Variants in RALGPS2 observed in about 807,000 individuals in gnomAD.
RALGPS2 encodes the protein ras-specific guanine nucleotide-releasing factor RalGPS2.
A neutral mutation model predicts 86.8 loss-of-function variants in RALGPS2; 43 were observed. That is an observed-to-expected ratio of 0.50 (90% confidence interval 0.39 to 0.64). RALGPS2 has a LOEUF of 0.64. Among genes scored for constraint, RALGPS2 ranks in the 30% least tolerant of loss-of-function variants. The pLI is 0.00. For synonymous variants in RALGPS2, 243 were observed against 231.3 expected (o/e 1.05, Z -0.46); for missense variants, 536 against 694.6 (o/e 0.77, Z 2.57).
chr1:178,806,898 G>A lies in RALGPS2; in HGVS notation c.214-1147G>A, dbSNP rs1488207328. Among the ~76,000 whole-genome samples, 9 of 152,152 alleles carry A rather than the reference G, an allele frequency of 5.9e-5. No individual in the cohort carries two copies. The East Asian group carries it at 1.7e-3, about 29-fold the overall frequency. On this transcript the variant is annotated intron_variant, in intron 4 of 19. Coordinates refer to ENST00000367635, the MANE Select transcript of RALGPS2 (RefSeq NM_152663.5). ...GGACCTTGGACTCGTCCGGCAGGCTGAAGCCTATGGAATGCTAACCCTTCT... is the reference window on the plus strand; with the variant it reads ...GGACCTTGGACTCGTCCGGCAGGCTAAAGCCTATGGAATGCTAACCCTTCT...
At chr1:178,875,169 C>G (rs1453941918) in intron 8 of RALGPS2, among the ~76,000 whole-genome samples, 1 of 152,178 alleles carries the variant, frequency 6.6e-6, no homozygotes, top group Non-Finnish European at 1.5e-5. Context: ...CAGTTTTCAA[C>G]AGCTGTGCAG....
At chr1:178,896,293 C>T (rs1659934651) in intron 16 of RALGPS2, among the ~76,000 whole-genome samples, 1 of 151,764 alleles carries the variant, frequency 6.6e-6, no homozygotes, top group Non-Finnish European at 1.5e-5. Context: ...AGAAGTTATG[C>T]TGTGAAAAGG....
intron 5 of RALGPS2, among the ~76,000 whole-genome samples, chr1:178,810,694 A>C (rs904312618): frequency 3.3e-5 from 5 of 152,070 alleles, no homozygotes; most frequent in African/African-American, 9.7e-5. Context: ...ACATAATGAC[A>C]TTTCTTTACA....
intron 1 of RALGPS2, among the ~76,000 whole-genome samples, chr1:178,765,728 A>G (rs1490885416): frequency 6.6e-6 from 1 of 152,174 alleles, no homozygotes; most frequent in Non-Finnish European, 1.5e-5. Flanking sequence ...AAAGACAGAC[A>G]TTCCCAAAGC....
chr1:178,884,739 T>G (rs1659402455), intron 11 of RALGPS2, among the ~76,000 whole-genome samples: 1 of 152,142 alleles, frequency 6.6e-6, no homozygotes, highest in African/African-American at 2.4e-5. Flanking sequence ...TGTATAAAAT[T>G]AAAAGAGCAC....
intron 2 of RALGPS2, among the ~76,000 whole-genome samples, chr1:178,781,243 T>G (rs1446391396): frequency 6.6e-6 from 1 of 152,088 alleles, no homozygotes; most frequent in African/African-American, 2.4e-5. Context: ...AATTGTCCAT[T>G]TATTGTGGCA....
intron 19 of RALGPS2, among the ~76,000 whole-genome samples, chr1:178,909,901 C>T (rs10798638): frequency 0.089 from 13,510 of 151,926 alleles, 650 homozygotes; most frequent in African/African-American, 0.13. Context: ...CACCCACCTC[C>T]GCCTCCCAAA....
chr1:178,830,267 G>A (rs1018371351), intron 7 of RALGPS2, among the ~76,000 whole-genome samples: 1 of 152,110 alleles, frequency 6.6e-6, no homozygotes, highest in Non-Finnish European at 1.5e-5. Context: ...AAATTTAAAG[G>A]TTCAGGAATA....
rs540352240 is a variant in RALGPS2 at position 178,777,652 on chromosome 1, G to A, written c.57+831G>A. Among the ~76,000 whole-genome samples the A allele has an allele frequency of 5.7e-3, 859 of 150,882 alleles. 8 individuals are homozygous for A. The highest frequency in any genetic ancestry group is 0.019 in the African/African-American group (799 of 41,270). On this transcript the variant is annotated intron_variant, in intron 2 of 19. Coordinates refer to ENST00000367635, the MANE Select transcript of RALGPS2 (RefSeq NM_152663.5). Reference sequence around the variant, plus strand: ...ACCTGACTTCAAACTATACTACAAGGCTACAGTAACCAAAACAGCATGGTA... The same window carrying A: ...ACCTGACTTCAAACTATACTACAAGACTACAGTAACCAAAACAGCATGGTA...
chr1:178,754,099 G>C (rs113294879), intron 1 of RALGPS2, among the ~76,000 whole-genome samples: 1 of 152,024 alleles, frequency 6.6e-6, no homozygotes, highest in Admixed American at 6.6e-5. Context: ...TGGGATTACA[G>C]GTGTGAGCCA....
rs552213783 is a variant in RALGPS2 at position 178,821,707 on chromosome 1, G to A, written c.480+3G>A. ...TCAGGTTGACTAAAACATGGGCGGTGAGTAATATTCTTTAGTTAATGAAAG... is the reference window on the plus strand; with the variant it reads ...TCAGGTTGACTAAAACATGGGCGGTAAGTAATATTCTTTAGTTAATGAAAG... On this transcript the variant is annotated splice_donor_region_variant and intron_variant, in intron 7 of 19. Coordinates refer to ENST00000367635, the MANE Select transcript of RALGPS2 (RefSeq NM_152663.5). The A allele has an allele frequency of 2.5e-6, 4 of 1,600,708 alleles. No homozygotes were observed. The highest frequency in any genetic ancestry group is 1.7e-5 in the Admixed American group (1 of 59,884).
chr1:178,725,579 G>A (rs1649928660), intron 1 of RALGPS2, 160 bp downstream of exon 1: 2 of 152,006 alleles, frequency 1.3e-5, no homozygotes, highest in African/African-American at 2.4e-5. Flanking sequence ...CGCAGGGAGG[G>A]GGCTGCGGAG....
chr1:178,846,371 G>C (rs1656865423), intron 8 of RALGPS2, among the ~76,000 whole-genome samples: 1 of 151,912 alleles, frequency 6.6e-6, no homozygotes, highest in South Asian at 2.1e-4. Context: ...ATTATATGTT[G>C]TTATATATTG....
At chr1:178,878,683 T>TA (rs971591381) in intron 9 of RALGPS2, among the ~76,000 whole-genome samples, 2 of 152,074 alleles carry the variant, frequency 1.3e-5, no homozygotes, top group Non-Finnish European at 2.9e-5. Context: ...TTGGAGCTAT[T>TA]AAAAAAATAC....
At chr1:178,883,848 G>T (rs1218436656) in intron 11 of RALGPS2, among the ~76,000 whole-genome samples, 1 of 152,134 alleles carries the variant, frequency 6.6e-6, no homozygotes, top group East Asian at 1.9e-4. Context: ...AATTAGCCGG[G>T]TGTGGTGGCG....
At chr1:178,803,824 A>G (rs1020845970) in intron 4 of RALGPS2, among the ~76,000 whole-genome samples, 1 of 152,166 alleles carries the variant, frequency 6.6e-6, no homozygotes, top group Non-Finnish European at 1.5e-5. Context: ...CTCTCCCCTC[A>G]GTATTCCCTA....
chr1:178,856,353 A>AAGT (rs1466475116), intron 8 of RALGPS2, among the ~76,000 whole-genome samples: 6 of 141,976 alleles, frequency 4.2e-5, no homozygotes, highest in Non-Finnish European at 7.5e-5. Context: ...TCAGCCTCCC[A>AAGT]AGTAGCTAGG....
At chr1:178,736,161 G>A (rs572922625) in intron 1 of RALGPS2, among the ~76,000 whole-genome samples, 1 of 150,516 alleles carries the variant, frequency 6.6e-6, no homozygotes, top group Non-Finnish European at 1.5e-5. Context: ...TTAATTTGTG[G>A]GTTGTTTTTT....
chr1:178,752,344 G>GT (rs1651726621), intron 1 of RALGPS2, among the ~76,000 whole-genome samples: 4 of 150,912 alleles, frequency 2.7e-5, no homozygotes, highest in African/African-American at 9.8e-5. Context: ...GAGATTGGTG[G>GT]CGGGGGGGAG....
Sources: allele counts gnomAD v4.1 joint callset (sites outside exome capture counted in the v4.1 genomes callset), GRCh38; gene constraint gnomAD v4.1.1; transcripts MANE v1.5; gene names NCBI Gene and HGNC (gene_info 2026-07-23, HGNC 2026-07-21).